ADGRD1: variants seen among roughly 807,000 people sequenced by gnomAD.
The protein encoded by ADGRD1 is adhesion G protein-coupled receptor D1, also known as G-protein coupled receptor 133.
Under a neutral mutation model 113.4 loss-of-function variants are expected in ADGRD1, and 77 were observed. The ratio of observed to expected loss-of-function variants is 0.68; its 90% CI spans 0.57 to 0.82. The LOEUF is 0.82. ADGRD1 is among the 40% of genes least tolerant of loss of function. The pLI, the probability that ADGRD1 is intolerant of heterozygous loss-of-function variation, is 0.00. For missense variants in ADGRD1, 1,036 were observed against 1,139.1 expected, an observed-to-expected ratio of 0.91 and a Z score of 1.30; for synonymous variants, 474 against 475.0, an observed-to-expected ratio of 1.00 and a Z score of 0.03.
At position 131,000,380 on chromosome 12, in the gene ADGRD1, T is replaced by C. The variant is rs1284781325; in HGVS notation, c.967-3T>C. On this transcript the variant is annotated splice_region_variant and splice_polypyrimidine_tract_variant and intron_variant, in intron 8 of 24. Transcript: ENST00000261654. Reference sequence around the variant, plus strand: ...TGAGCAGTGTCATTTTGTCCACCTTTAGACCTTCTTAAAAGCCGTGGGAGA... The same window carrying C: ...TGAGCAGTGTCATTTTGTCCACCTTCAGACCTTCTTAAAAGCCGTGGGAGA... The C allele has an allele frequency of 6.2e-7, 1 of 1,612,616 alleles. No homozygotes were observed. The highest frequency in any genetic ancestry group is 1.3e-5 in the African/African-American group (1 of 74,880).
intron 13 of ADGRD1, among the ~76,000 whole-genome samples, chr12:131,015,421 C>T (rs1211608): frequency 0.5 from 73,423 of 145,794 alleles, 19,633 homozygotes; most frequent in East Asian, 0.78. Context: ...GAGATGGAGA[C>T]GGGACTGGAT....
chr12:131,081,996 T>A (rs1046737396), intron 14 of ADGRD1, among the ~76,000 whole-genome samples: 1 of 152,194 alleles, frequency 6.6e-6, no homozygotes, highest in Non-Finnish European at 1.5e-5. Context: ...AAGCAAGTGT[T>A]CCCTTTGATC....
intron 13 of ADGRD1, among the ~76,000 whole-genome samples, chr12:131,031,391 G>C (rs530070905): frequency 5.3e-5 from 8 of 152,308 alleles, no homozygotes; most frequent in African/African-American, 1.4e-4. Context: ...AGACTGTGGG[G>C]CATGACTGGA....
chr12:131,085,039 A>G (rs944426992), intron 15 of ADGRD1, among the ~76,000 whole-genome samples: 1 of 152,236 alleles, frequency 6.6e-6, no homozygotes, highest in African/African-American at 2.4e-5. Context: ...GTAAACAAGA[A>G]AAACAACACA....
At chr12:130,985,806 C>T (rs1385426240) in intron 5 of ADGRD1, among the ~76,000 whole-genome samples, 1 of 152,176 alleles carries the variant, frequency 6.6e-6, no homozygotes, top group Admixed American at 6.5e-5. Context: ...CCTGCCTCGG[C>T]CTCCCAAAGT....
intron 13 of ADGRD1, among the ~76,000 whole-genome samples, chr12:131,017,819 ACC>A (rs919525683): frequency 6.6e-6 from 1 of 150,588 alleles, no homozygotes; most frequent in African/African-American, 2.5e-5. Context: ...GTGTGCACAC[ACC>A]CAGTCCACAC....
In ADGRD1 at chr12:131,104,087, C is replaced by A. The variant is rs1392462191; in HGVS notation, c.1672-744C>A. 2.0e-5 allele frequency among the ~76,000 whole-genome samples: 3 copies of A among 152,248 alleles called. No homozygotes were observed. The East Asian group carries it at 5.8e-4, about 29-fold the overall frequency. ...CAGCCGCTTAATCCCCAGGTGTGTT[C>A]TGTTCTGCCTCATTCCCACAAGGTG... On this transcript the variant is annotated intron_variant, in intron 15 of 24. Coordinates refer to ENST00000261654, the MANE Select transcript of ADGRD1 (RefSeq NM_198827.5).
rs890038365 is a variant in ADGRD1 at position 130,984,907 on chromosome 12, C to T, written c.491-2188C>T. ...CTTCTTTCTTCTCTTCTCTCTCTCT[C>T]TCACTCTCTCTCTCCTCTCTTCTCT... On this transcript the variant is annotated intron_variant, in intron 5 of 24. Coordinates refer to ENST00000261654, the MANE Select transcript of ADGRD1 (RefSeq NM_198827.5). This position sits in a 1 kb window ranked among gnomAD's most constrained non-coding sequence, Gnocchi z 4.1. 6.7e-5 allele frequency among the ~76,000 whole-genome samples: 10 copies of T among 149,520 alleles called. No individual in the cohort carries two copies. The highest frequency in any genetic ancestry group is 2.5e-4 in the African/African-American group (10 of 40,596).
chr12:131,047,033 CA>C (rs1882910724), intron 13 of ADGRD1, among the ~76,000 whole-genome samples: 1 of 146,638 alleles, frequency 6.8e-6, no homozygotes, highest in Admixed American at 6.8e-5. Flanking sequence ...CCTCTCTAGT[CA>C]GTGTCCTCCC....
At chr12:131,054,367 T>C (rs966534588) in intron 13 of ADGRD1, among the ~76,000 whole-genome samples, 3 of 152,236 alleles carry the variant, frequency 2.0e-5, no homozygotes, top group African/African-American at 7.2e-5. Flanking sequence ...CTAGAACTTT[T>C]GTATGATGGA....
chr12:130,956,958 C>T (rs1417304416), intron 2 of ADGRD1: 1 of 152,410 alleles, frequency 6.6e-6, no homozygotes, highest in Non-Finnish European at 1.5e-5. Flanking sequence ...TGTCCACACA[C>T]CACTCACATC....
chr12:131,124,988 G>T (rs1338310515), intron 20 of ADGRD1, among the ~76,000 whole-genome samples: 5 of 152,156 alleles, frequency 3.3e-5, no homozygotes, highest in Non-Finnish European at 7.3e-5. Context: ...GTCAGGGTTG[G>T]TTCTCCCGAG....
At chr12:131,033,438 G>A (rs985678276) in intron 13 of ADGRD1, among the ~76,000 whole-genome samples, 1 of 152,352 alleles carries the variant, frequency 6.6e-6, no homozygotes, top group Non-Finnish European at 1.5e-5. Flanking sequence ...GTCCACATGC[G>A]GCCTTCCTTC....
At chr12:130,975,785 T>C (rs758053645) in intron 4 of ADGRD1, among the ~76,000 whole-genome samples, 6 of 152,194 alleles carry the variant, frequency 3.9e-5, no homozygotes. Context: ...CATTCCGCTA[T>C]TGGACTCCTC....
In ADGRD1 at chr12:131,136,025, G is replaced by T; in HGVS notation, c.2268-12G>T. ...CCTGCCACTCAGGGTGACTGTCACT[G>T]TTTCTCTCCAGGTTGACAGCCAAGG... is the stretch of plus-strand genomic sequence containing the variant. On this transcript the variant is annotated splice_polypyrimidine_tract_variant and intron_variant, in intron 21 of 24. Coordinates refer to ENST00000261654, the MANE Select transcript of ADGRD1 (RefSeq NM_198827.5). 6.2e-7 allele frequency: 1 copy of T among 1,614,004 alleles called. No individual in the cohort carries two copies. The highest frequency in any genetic ancestry group is 2.2e-5 in the East Asian group (1 of 44,868).
intron 20 of ADGRD1, among the ~76,000 whole-genome samples, chr12:131,127,268 CAAATT>C (rs1950761160): frequency 6.6e-6 from 1 of 152,234 alleles, no homozygotes; most frequent in Non-Finnish European, 1.5e-5. Flanking sequence ...CTTGAAATCT[CAAATT>C]AATCACTCGT....
intron 13 of ADGRD1, chr12:131,069,939 A>T (rs1396479361): frequency 6.6e-6 from 1 of 152,206 alleles, no homozygotes; most frequent in African/African-American, 2.4e-5. Context: ...GTTGCGATAG[A>T]AATGCCAAAG....
At chr12:131,008,312 A>C (rs370116544) in intron 12 of ADGRD1, among the ~76,000 whole-genome samples, 3 of 152,236 alleles carry the variant, frequency 2.0e-5, no homozygotes, top group Non-Finnish European at 4.4e-5. Flanking sequence ...GTGCGCACAT[A>C]TGCCGGGTTC....
intron 14 of ADGRD1, among the ~76,000 whole-genome samples, chr12:131,079,428 C>T (rs1244775648): frequency 3.3e-5 from 5 of 152,162 alleles, no homozygotes; most frequent in East Asian, 1.9e-4. Context: ...TTTGTGTCTA[C>T]GTGCATGTTG....
Sources: allele counts gnomAD v4.1 joint callset (sites outside exome capture counted in the v4.1 genomes callset), GRCh38; gene constraint gnomAD v4.1.1; non-coding constraint Gnocchi (gnomAD v3.1); transcripts MANE v1.5; gene names NCBI Gene and HGNC (gene_info 2026-07-23, HGNC 2026-07-21).